The following TMEM178B variants were observed in gnomAD, a reference collection of about 807,000 sequenced individuals.
TMEM178B encodes transmembrane protein 178B.
Under a neutral mutation model 31.0 loss-of-function variants are expected in TMEM178B, and 5 were observed. The observed-to-expected ratio is 0.16, with a 90% CI of 0.08 to 0.34. The LOEUF is 0.34. TMEM178B is among the 10% of genes least tolerant of loss of function. TMEM178B has a pLI of 1.00. For missense variants in TMEM178B, 275 were observed against 400.3 expected (o/e 0.69, Z 2.67); for synonymous variants, 164 against 164.0 (o/e 1.00, Z 0.00).
chr7:141,220,311 A>AAATAATAAT (rs143440134), intron 2 of TMEM178B, among the ~76,000 whole-genome samples: 3 of 140,658 alleles, frequency 2.1e-5, no homozygotes, highest in African/African-American at 7.9e-5. Context: ...ACTCCATCTC[A>AAATAATAAT]AATAATAATA....
chr7:141,100,004 A>G (rs1271037362), intron 1 of TMEM178B, among the ~76,000 whole-genome samples: 1 of 152,038 alleles, frequency 6.6e-6, no homozygotes, highest in Non-Finnish European at 1.5e-5. Flanking sequence ...TATTGTTAGT[A>G]GAGATGGGGT....
At chr7:141,492,777 C>A in the TMEM178B span, among the ~76,000 whole-genome samples, 1 of 152,204 alleles carries the variant, frequency 6.6e-6, no homozygotes, top group Non-Finnish European at 1.5e-5. Flanking sequence ...TCTCACAAAC[C>A]CCATTCCTGA....
At chr7:141,333,433 ATTG>A (rs1161048127) in intron 2 of TMEM178B, among the ~76,000 whole-genome samples, 10 of 152,326 alleles carry the variant, frequency 6.6e-5, no homozygotes, top group Admixed American at 6.5e-4. Context: ...AAGTGTGGGA[ATTG>A]TTGTTAGGAG....
At chr7:141,239,218 G>A (rs1320154304) in intron 2 of TMEM178B, among the ~76,000 whole-genome samples, 1 of 152,172 alleles carries the variant, frequency 6.6e-6, no homozygotes, top group Non-Finnish European at 1.5e-5. Flanking sequence ...CTTCACATCT[G>A]GGGATATCTT....
chr7:141,379,399 T>G (rs1800275340), intron 2 of TMEM178B, among the ~76,000 whole-genome samples: 1 of 152,108 alleles, frequency 6.6e-6, no homozygotes, highest in South Asian at 2.1e-4. Context: ...TCAGGAGGAT[T>G]GCTGGAGCTC....
At chr7:141,433,129 C>T (rs529453383) in intron 2 of TMEM178B, among the ~76,000 whole-genome samples, 2 of 152,348 alleles carry the variant, frequency 1.3e-5, no homozygotes, top group Admixed American at 6.5e-5. Flanking sequence ...CTGACCCTCA[C>T]CTGTTGATCT....
chr7:141,157,541 G>A (rs570983736), intron 1 of TMEM178B, among the ~76,000 whole-genome samples: 5 of 151,712 alleles, frequency 3.3e-5, no homozygotes, highest in Admixed American at 6.6e-5. Flanking sequence ...ACAACAACAC[G>A]GAGAGAGGAG....
chr7:141,162,805 A>G (rs1310519479), intron 1 of TMEM178B, among the ~76,000 whole-genome samples: 1 of 152,184 alleles, frequency 6.6e-6, no homozygotes, highest in Non-Finnish European at 1.5e-5. Flanking sequence ...AGCTCCAGAG[A>G]GTGTGTAGGC....
At chr7:141,228,045 C>G (rs1797374797) in intron 2 of TMEM178B, among the ~76,000 whole-genome samples, 1 of 152,130 alleles carries the variant, frequency 6.6e-6, no homozygotes, top group Non-Finnish European at 1.5e-5. Context: ...TGTGTACACA[C>G]ACACACACAC....
At chr7:141,203,803 C>T (rs115241141) in intron 1 of TMEM178B, among the ~76,000 whole-genome samples, 2,038 of 152,228 alleles carry the variant, frequency 0.013, 43 homozygotes, top group African/African-American at 0.047. Flanking sequence ...ATACGGGAGC[C>T]TCTGGCATGT....
the TMEM178B span, among the ~76,000 whole-genome samples, chr7:141,497,737 T>G: frequency 6.6e-6 from 1 of 152,244 alleles, no homozygotes; most frequent in Non-Finnish European, 1.5e-5. Flanking sequence ...TACCACTTTC[T>G]GTATTCCCAC....
rs537360725 is a variant in TMEM178B at position 141,455,455 on chromosome 7, A to T, written c.635-15081A>T. 9.8e-5 allele frequency among the ~76,000 whole-genome samples: 15 copies of T among 152,364 alleles called. No homozygotes were observed. The South Asian group carries it at 3.1e-3, about 32-fold the overall frequency. On this transcript the variant is annotated intron_variant, in intron 3 of 3. Transcript: ENST00000565468. ...GGAGAAGAAGAGAGATTCTCTGCTT[A>T]TATTAATTTCAGTGCAACTGGAGAG...
intron 1 of TMEM178B, among the ~76,000 whole-genome samples, chr7:141,104,941 G>T (rs1376999585): frequency 1.3e-5 from 2 of 152,162 alleles, no homozygotes; most frequent in African/African-American, 4.8e-5. Flanking sequence ...AGTTTTAGGA[G>T]AATACAATTT....
intron 2 of TMEM178B, among the ~76,000 whole-genome samples, chr7:141,283,000 T>TG (rs1798390586): frequency 6.6e-6 from 1 of 152,134 alleles, no homozygotes; most frequent in African/African-American, 2.4e-5. Context: ...CAAAAGTAAT[T>TG]GTACCAACCT....
intron 2 of TMEM178B, among the ~76,000 whole-genome samples, chr7:141,224,677 A>G (rs1365492683): frequency 6.6e-6 from 1 of 152,202 alleles, no homozygotes; most frequent in Non-Finnish European, 1.5e-5. Flanking sequence ...TCGCAGGCTG[A>G]GTTCCCTGGG....
chr7:141,336,550 G>C lies in TMEM178B; in HGVS notation c.497-101058G>C, dbSNP rs1288778424. On this transcript the variant is annotated intron_variant, in intron 2 of 3. Transcript: ENST00000565468. ...CTACCTGTTTGGGCTGTTGTGACTT[G>C]TAGAACCAATGTTGTAAAGTTCCTA... Among the ~76,000 whole-genome samples, 13 of 152,118 alleles carry C rather than the reference G, an allele frequency of 8.5e-5. No homozygotes were observed. The East Asian group carries it at 2.3e-3, about 27-fold the overall frequency.
intron 3 of TMEM178B, among the ~76,000 whole-genome samples, chr7:141,446,762 A>T (rs1265006818): frequency 6.6e-6 from 1 of 152,168 alleles, no homozygotes; most frequent in African/African-American, 2.4e-5. Context: ...AACAGGACAC[A>T]CTTCAGGCAC....
At chr7:141,430,340 G>C (rs731751) in intron 2 of TMEM178B, 80,921 of 152,070 alleles carry the variant, frequency 0.53, 22,262 homozygotes, top group African/African-American at 0.68. Context: ...GAAAAAATGA[G>C]AATTGCTTTA....
chr7:141,418,177 A>G (rs138452632), intron 2 of TMEM178B, among the ~76,000 whole-genome samples: 2 of 152,282 alleles, frequency 1.3e-5, no homozygotes, highest in East Asian at 3.9e-4. Flanking sequence ...AAAAAAGAGA[A>G]GTCCTCCCTG....
Sources: allele counts gnomAD v4.1 joint callset (sites outside exome capture counted in the v4.1 genomes callset), GRCh38; gene constraint gnomAD v4.1.1; transcripts MANE v1.5; gene names NCBI Gene and HGNC (gene_info 2026-07-23, HGNC 2026-07-21).